The following ANK1 variants were observed in gnomAD, a reference collection of about 807,000 sequenced individuals.
ANK1 encodes ankyrin 1.
A neutral mutation model predicts 210.4 loss-of-function variants in ANK1; 51 were observed. The ratio of observed to expected loss-of-function variants is 0.24; its 90% confidence interval spans 0.19 to 0.31. ANK1 has a LOEUF of 0.31. Ranked by LOEUF, ANK1 falls within the 10% of genes least tolerant of loss-of-function variation. The pLI, the probability that ANK1 is intolerant of heterozygous loss-of-function variation, is 1.00. For missense variants in ANK1, 2,051 were observed against 2,504.4 expected (o/e 0.82, Z 3.86); for synonymous variants, 967 against 1,025.9 (o/e 0.94, Z 1.10).
chr8:41,839,163 T>C (rs1389474307), intron 1 of ANK1, among the ~76,000 whole-genome samples: 1 of 152,242 alleles, frequency 6.6e-6, no homozygotes, highest in Non-Finnish European at 1.5e-5. Context: ...GAAATTCACC[T>C]GTCTCCTCCA....
intron 13 of ANK1, among the ~76,000 whole-genome samples, 188 bp downstream of exon 13, chr8:41,716,765 A>G (rs1033350119): frequency 6.6e-6 from 1 of 152,208 alleles, no homozygotes; most frequent in African/African-American, 2.4e-5. Context: ...GCTCTCATGC[A>G]GAAATACCCC....
At position 41,704,332 on chromosome 8, in the gene ANK1, A is replaced by G; in HGVS notation, c.2196+42T>C. On this transcript the variant is annotated intron_variant, in intron 19 of 42. Transcript: ENST00000289734. This position sits in a 1 kb window ranked among gnomAD's most constrained non-coding sequence, Gnocchi z 4.1. ...CTGGCTTTACCCTGATGTGGCATGG[A>G]GAAGGGTCAGTGCAGGAGTCGGGGC... 1.9e-6 allele frequency: 3 copies of G among 1,572,928 alleles called. No homozygotes were observed. Among genetic ancestry groups the G allele is most frequent in the Non-Finnish European group, 2.6e-6 (3 of 1,142,904 alleles).
At chr8:41,711,548 C>T (rs551638093) in intron 16 of ANK1, among the ~76,000 whole-genome samples, 1 of 152,234 alleles carries the variant, frequency 6.6e-6, no homozygotes, top group African/African-American at 2.4e-5. Flanking sequence ...GGAGGTCACT[C>T]GGCCCAGGAC....
At chr8:41,708,233 A>C (rs991797049) in intron 17 of ANK1, among the ~76,000 whole-genome samples, 3 of 152,144 alleles carry the variant, frequency 2.0e-5, no homozygotes, top group African/African-American at 7.2e-5. Flanking sequence ...TGGGTCACAC[A>C]TTCCTTTGAG....
chr8:41,875,134 C>G (rs918304883), intron 1 of ANK1, among the ~76,000 whole-genome samples: 3 of 152,158 alleles, frequency 2.0e-5, no homozygotes, highest in Non-Finnish European at 4.4e-5. Flanking sequence ...CTCTTCCTGC[C>G]CTTTCTCTTC....
At chr8:41,707,625 C>T (rs538804382) in intron 17 of ANK1, among the ~76,000 whole-genome samples, 24 of 152,254 alleles carry the variant, frequency 1.6e-4, no homozygotes, top group Non-Finnish European at 2.6e-4. Flanking sequence ...CTCGTGAGGG[C>T]GGCGTGCGGA....
At chr8:41,834,472 T>C (rs1807251463) in intron 1 of ANK1, among the ~76,000 whole-genome samples, 2 of 152,178 alleles carry the variant, frequency 1.3e-5, no homozygotes, top group African/African-American at 4.8e-5. Context: ...AAGACCTGCC[T>C]CGGCCGGTCA....
At position 41,704,719 on chromosome 8, in the gene ANK1, G is replaced by T. The variant is rs1218157811; in HGVS notation, c.2098-247C>A. Among the ~76,000 whole-genome samples the T allele has an allele frequency of 1.3e-5, 2 of 152,130 alleles. No homozygotes were observed. Among genetic ancestry groups the T allele is most frequent in the African/African-American group, 4.8e-5 (2 of 41,430 alleles). On this transcript the variant is annotated intron_variant, in intron 18 of 42. Transcript: ENST00000289734. The surrounding 1 kb of genome is among the most constrained non-coding windows in gnomAD (Gnocchi z 4.1). ...AACCGCGAGAAGAGGGCTATGCTGG[G>T]GTCGTCAGTGCATGGGAGATCTGAG...
At chr8:41,696,331 G>A (rs368693361) in intron 26 of ANK1, 32 bp downstream of exon 26, 12 of 1,608,280 alleles carry the variant, frequency 7.5e-6, no homozygotes, top group Admixed American at 1.7e-5. Context: ...CACAGGGACA[G>A]GGGAGAACAC....
intron 1 of ANK1, among the ~76,000 whole-genome samples, chr8:41,822,792 G>A (rs982739679): frequency 3.3e-5 from 5 of 152,214 alleles, no homozygotes; most frequent in Non-Finnish European, 7.3e-5. Context: ...AACAGGGGCC[G>A]CTGGTCACAT....
intron 1 of ANK1, among the ~76,000 whole-genome samples, chr8:41,888,048 C>A (rs1159839946): frequency 6.6e-6 from 1 of 152,242 alleles, no homozygotes; most frequent in East Asian, 1.9e-4. Flanking sequence ...TGTTCCAGGG[C>A]CTAGCTGGAG....
At chr8:41,748,783 C>T (rs1836829811) in intron 2 of ANK1, among the ~76,000 whole-genome samples, 1 of 152,208 alleles carries the variant, frequency 6.6e-6, no homozygotes, top group Non-Finnish European at 1.5e-5. Flanking sequence ...CGCCTGTAAT[C>T]CCAGCACTTT....
At chr8:41,721,138 G>A (rs960158352) in intron 9 of ANK1, among the ~76,000 whole-genome samples, 4 of 152,142 alleles carry the variant, frequency 2.6e-5, no homozygotes, top group Non-Finnish European at 5.9e-5. Flanking sequence ...CAGGATCTTC[G>A]GGGATATAAT....
chr8:41,893,642 G>A (rs568340794), intron 1 of ANK1, among the ~76,000 whole-genome samples: 9 of 152,182 alleles, frequency 5.9e-5, no homozygotes, highest in African/African-American at 1.9e-4. Context: ...GGTTACCCGC[G>A]GGACAAACAC....
chr8:41,684,623 G>A lies in ANK1; in HGVS notation c.4458C>T (p.Ser1486=), dbSNP rs200752263. ...RGEIVNMLEG[S]GRQSRNLKPD... is the part of the protein sequence containing the mutation. ...GCTTCAAGTTGCGGCTCTGTCGGCCGGAACCCTCCAGCATGTTCACGATCT... is the reference window on the plus strand; with the variant it reads ...GCTTCAAGTTGCGGCTCTGTCGGCCAGAACCCTCCAGCATGTTCACGATCT... The change falls in exon 37 of 43, where the codon TCC becomes TCT. Residue 1486 remains serine, a synonymous_variant. Coordinates refer to ENST00000289734, the MANE Select transcript of ANK1 (RefSeq NM_000037.4). 8.9e-5 allele frequency: 144 copies of A among 1,613,808 alleles called. No homozygotes were observed. The highest frequency in any genetic ancestry group is 2.7e-4 in the East Asian group (12 of 44,880).
chr8:41,722,725 T>C (rs1033072207), intron 9 of ANK1, among the ~76,000 whole-genome samples: 4 of 152,228 alleles, frequency 2.6e-5, no homozygotes, highest in Non-Finnish European at 5.9e-5. Context: ...TCTAGAGCAG[T>C]AGTAGGCGAA....
At chr8:41,743,569 G>A (rs556971709) in intron 2 of ANK1, among the ~76,000 whole-genome samples, 1 of 152,300 alleles carries the variant, frequency 6.6e-6, no homozygotes, top group South Asian at 2.1e-4. Context: ...GAGGTGCCCT[G>A]CAGGGCATGG....
Position 41,842,858 on chromosome 8 carries a change from T to C in ANK1, c.126+53497A>G, listed in dbSNP as rs116598926. On this transcript the variant is annotated intron_variant, in intron 1 of 42. Transcript: ENST00000265709. ...TTTTGGGGGGTTGTTCATTTGTTTG[T>C]TTGTTTTGAGACGGATCTCCTTCTG... Among the ~76,000 whole-genome samples, 796 of 152,292 alleles carry C rather than the reference T, an allele frequency of 5.2e-3. 5 individuals are homozygous for C. The highest frequency in any genetic ancestry group is 0.018 in the African/African-American group (762 of 41,550).
At chr8:41,668,233 GAAC>G in intron 39 of ANK1, 31 bp downstream of exon 39, 1 of 1,613,844 alleles carries the variant, frequency 6.2e-7, no homozygotes. Context: ...TGCTGGGAAG[GAAC>G]AGCAGCACGC....
Sources: allele counts gnomAD v4.1 joint callset (sites outside exome capture counted in the v4.1 genomes callset), GRCh38; gene constraint gnomAD v4.1.1; non-coding constraint Gnocchi (gnomAD v3.1); transcripts MANE v1.5; gene names NCBI Gene and HGNC (gene_info 2026-07-23, HGNC 2026-07-21).